Variants in AKAP19 observed in about 807,000 individuals in gnomAD.
AKAP19 encodes the protein small A-kinase anchoring protein.
the AKAP19 span, among the ~76,000 whole-genome samples, chr2:190,010,427 G>T: frequency 1.3e-5 from 2 of 152,210 alleles, no homozygotes; most frequent in Non-Finnish European, 2.9e-5. Flanking sequence ...GAGCAGAAGA[G>T]AGAGTGGATT....
the AKAP19 span, among the ~76,000 whole-genome samples, chr2:189,881,346 A>G: frequency 6.6e-6 from 1 of 152,244 alleles, no homozygotes; most frequent in Admixed American, 6.5e-5. Flanking sequence ...TGCATATCTG[A>G]TTGGCGTCTC....
chr2:190,192,030 TC>T, the AKAP19 span, among the ~76,000 whole-genome samples: 1 of 152,164 alleles, frequency 6.6e-6, no homozygotes, highest in Non-Finnish European at 1.5e-5. Context: ...ATCTAAGAAC[TC>T]TTTTCCTAAC....
the AKAP19 span, among the ~76,000 whole-genome samples, chr2:190,085,188 A>G: frequency 6.6e-6 from 1 of 152,200 alleles, no homozygotes; most frequent in Admixed American, 6.5e-5. Context: ...TCAATCTCAT[A>G]TTAGATTAGA....
the AKAP19 span, among the ~76,000 whole-genome samples, chr2:190,020,102 C>G: frequency 1.3e-5 from 2 of 152,158 alleles, no homozygotes; most frequent in Non-Finnish European, 2.9e-5. Flanking sequence ...AGATCTCACT[C>G]TATGTCGACT....
chr2:190,028,291 T>C, the AKAP19 span, among the ~76,000 whole-genome samples: 1 of 152,250 alleles, frequency 6.6e-6, no homozygotes, highest in Non-Finnish European at 1.5e-5. Flanking sequence ...AATGAAGAAA[T>C]GATTATTTGA....
chr2:190,125,576 A>G, the AKAP19 span, among the ~76,000 whole-genome samples: 1 of 152,194 alleles, frequency 6.6e-6, no homozygotes, highest in African/African-American at 2.4e-5. Context: ...CAGTGCTGGA[A>G]TAGTGAATTG....
chr2:189,923,375 A>G, the AKAP19 span: 1 of 1,612,738 alleles, frequency 6.2e-7, no homozygotes, highest in Non-Finnish European at 8.5e-7. Flanking sequence ...TCCTCGTTCC[A>G]TGAACTCCCG....
the AKAP19 span, among the ~76,000 whole-genome samples, chr2:190,174,817 A>G: frequency 6.6e-6 from 1 of 152,240 alleles, no homozygotes; most frequent in South Asian, 2.1e-4. Flanking sequence ...ATGGTTATCA[A>G]AATAAATGCA....
At chr2:189,931,425 G>A in the AKAP19 span, among the ~76,000 whole-genome samples, 5 of 152,178 alleles carry the variant, frequency 3.3e-5, no homozygotes, top group South Asian at 2.1e-4. Context: ...GCAGTGGTGC[G>A]ATCATAGCTC....
At chr2:190,004,515 G>A in the AKAP19 span, among the ~76,000 whole-genome samples, 3 of 151,380 alleles carry the variant, frequency 2.0e-5, no homozygotes, top group Admixed American at 2.0e-4. Flanking sequence ...TCAAAATTAT[G>A]TTGTCCTTCC....
chr2:189,949,126 A>G, the AKAP19 span, among the ~76,000 whole-genome samples: 4 of 152,164 alleles, frequency 2.6e-5, no homozygotes, highest in African/African-American at 7.2e-5. Flanking sequence ...CAAGTCCCAC[A>G]ATCCTGTGAA....
chr2:190,086,957 A>T, the AKAP19 span, among the ~76,000 whole-genome samples: 1 of 152,172 alleles, frequency 6.6e-6, no homozygotes, highest in East Asian at 1.9e-4. Flanking sequence ...GAACCCTTCT[A>T]GTGTTTCCTG....
At chr2:189,988,253 C>T in the AKAP19 span, among the ~76,000 whole-genome samples, 4 of 152,110 alleles carry the variant, frequency 2.6e-5, no homozygotes, top group East Asian at 7.7e-4. Context: ...AGGAAAAAGG[C>T]AGGCTTAGAA....
the AKAP19 span, chr2:189,923,585 C>G: frequency 6.2e-7 from 1 of 1,613,956 alleles, no homozygotes; most frequent in Non-Finnish European, 8.5e-7. Flanking sequence ...AGATATTAAC[C>G]TGGCTGCAGA....
chr2:190,108,644 T>C, the AKAP19 span, among the ~76,000 whole-genome samples: 6 of 152,308 alleles, frequency 3.9e-5, no homozygotes, highest in South Asian at 1.0e-3. Context: ...AAGATCTTCA[T>C]CTTGGCAGCC....
chr2:190,069,117 GGTGTGTGTGTGCATGCATATGT>G, the AKAP19 span, among the ~76,000 whole-genome samples: 3 of 146,514 alleles, frequency 2.0e-5, no homozygotes, highest in South Asian at 4.3e-4. Flanking sequence ...TCTCAAAAGG[GGTGTGTGTGTGCATGCATATGT>G]GTGTGTGTGT....
the AKAP19 span, among the ~76,000 whole-genome samples, chr2:189,960,173 G>GT: frequency 3.3e-5 from 5 of 152,144 alleles, no homozygotes; most frequent in African/African-American, 1.2e-4. Flanking sequence ...AACACCGGCT[G>GT]TTAGGTTGTT....
the AKAP19 span, among the ~76,000 whole-genome samples, chr2:190,143,507 C>T: frequency 6.6e-6 from 1 of 152,056 alleles, no homozygotes; most frequent in Non-Finnish European, 1.5e-5. Context: ...TGTTCTTGTG[C>T]CTTATCATCA....
At chr2:189,881,890 C>G in the AKAP19 span, among the ~76,000 whole-genome samples, 1 of 152,138 alleles carries the variant, frequency 6.6e-6, no homozygotes, top group Non-Finnish European at 1.5e-5. Context: ...AAAGACAAAT[C>G]ATGGTAGAAC....
Sources: gnomAD v4.1 joint callset for allele counts (sites outside exome capture counted in the v4.1 genomes callset) on GRCh38, gnomAD v4.1.1 for gene constraint, MANE v1.5 for transcripts, NCBI Gene and HGNC (gene_info 2026-07-23, HGNC 2026-07-21) for gene names.